The following RBPJ variants were observed in gnomAD, a reference collection of about 807,000 sequenced individuals.
RBPJ encodes the protein recombining binding protein suppressor of hairless.
A neutral mutation model predicts 67.8 loss-of-function variants in RBPJ; 9 were observed. The observed-to-expected ratio is 0.13, with a 90% confidence interval of 0.08 to 0.23. The LOEUF is 0.23. Ranked by LOEUF, RBPJ falls within the 10% of genes least tolerant of loss-of-function variation. RBPJ has a pLI of 1.00. For missense variants in RBPJ, 305 were observed against 595.6 expected, an observed-to-expected ratio of 0.51 and a Z score of 5.08; for synonymous variants, 198 against 203.3, an observed-to-expected ratio of 0.97 and a Z score of 0.22.
chr4:26,180,565 G>A (rs1163222025), intron 1 of RBPJ, among the ~76,000 whole-genome samples: 1 of 152,160 alleles, frequency 6.6e-6, no homozygotes, highest in Non-Finnish European at 1.5e-5. Flanking sequence ...TGAAAGGGGT[G>A]AGGTATCTCC....
chr4:26,170,070 C>T (rs13141609), intron 1 of RBPJ, among the ~76,000 whole-genome samples: 48,374 of 151,750 alleles, frequency 0.32, 8,546 homozygotes, highest in East Asian at 0.5. Flanking sequence ...GCGCACGGTG[C>T]GCTGCACCTA....
At chr4:26,195,381 T>G (rs566123787) in intron 1 of RBPJ, among the ~76,000 whole-genome samples, 33 of 152,106 alleles carry the variant, frequency 2.2e-4, no homozygotes, top group Non-Finnish European at 3.7e-4. Flanking sequence ...AGCAGAACAT[T>G]ATTCAGTAAG....
In RBPJ at chr4:26,401,591, G is replaced by A. The variant is rs116832932; in HGVS notation, c.60-4584G>A. Among the ~76,000 whole-genome samples the A allele has an allele frequency of 5.1e-3, 781 of 152,264 alleles. 6 individuals carry two copies. Among genetic ancestry groups the A allele is most frequent in the African/African-American group, 0.018 (745 of 41,540 alleles). ...GTTTGTGTCCTGTTTTACCCGAGTT[G>A]TCATGAAAGGGATAGAAATGTAAAA... On this transcript the variant is annotated intron_variant, in intron 2 of 10. Coordinates refer to ENST00000355476, the MANE Select transcript of RBPJ (RefSeq NM_015874.6).
intron 1 of RBPJ, among the ~76,000 whole-genome samples, chr4:26,207,918 A>G (rs1045697150): frequency 6.6e-6 from 1 of 152,184 alleles, no homozygotes; most frequent in Non-Finnish European, 1.5e-5. Context: ...CAGCACTGAC[A>G]GCTCACACCT....
intron 1 of RBPJ, among the ~76,000 whole-genome samples, chr4:26,238,071 G>A (rs778173711): frequency 3.3e-5 from 5 of 152,054 alleles, no homozygotes; most frequent in Non-Finnish European, 5.9e-5. Context: ...TGTTTCATTT[G>A]TTTGTTTTGA....
At position 26,424,196 on chromosome 4, in the gene RBPJ, G is replaced by A. The variant is rs554854246; in HGVS notation, c.497-146G>A. 37 of 686,308 alleles carry A rather than the reference G, an allele frequency of 5.4e-5. No homozygotes were observed. Among genetic ancestry groups the A allele is most frequent in the Middle Eastern group, 4.1e-4 (1 of 2,450 alleles). 42.5% of individuals were successfully genotyped at this position (686,308 alleles called of 1,614,324 possible). The stretch of plus-strand genomic sequence containing the variant: ...TTACCTTGACTTTTTGATATCATCT[G>A]TACTGTCTTGGAAAGTGAAAATATT... On this transcript the variant is annotated intron_variant, in intron 5 of 10. Transcript: ENST00000355476. The surrounding 1 kb of genome is among the most constrained non-coding windows in gnomAD (Gnocchi z 5.3).
the RBPJ span, among the ~76,000 whole-genome samples, chr4:26,131,944 A>G: frequency 1.3e-5 from 2 of 152,162 alleles, no homozygotes; most frequent in East Asian, 3.8e-4. Context: ...TACCAAGACT[A>G]TTAGCGGGGT....
At chr4:26,249,569 G>A (rs529185914) in intron 1 of RBPJ, among the ~76,000 whole-genome samples, 7 of 151,964 alleles carry the variant, frequency 4.6e-5, no homozygotes, top group South Asian at 2.1e-4. Context: ...GCTGGGGCAC[G>A]AGAATCTCTT....
At chr4:26,177,753 T>C (rs762419986) in intron 1 of RBPJ, among the ~76,000 whole-genome samples, 13 of 152,218 alleles carry the variant, frequency 8.5e-5, no homozygotes, top group Admixed American at 3.3e-4. Flanking sequence ...TATATACTTA[T>C]CTTAGAAAAG....
chr4:26,315,265 C>T (rs758181503), upstream of RBPJ, among the ~76,000 whole-genome samples: 18 of 145,898 alleles, frequency 1.2e-4, no homozygotes, highest in Non-Finnish European at 2.7e-4. Context: ...TTTCTATTTT[C>T]CCTAAGTGTT....
intron 1 of RBPJ, among the ~76,000 whole-genome samples, chr4:26,349,464 C>T (rs1268659279): frequency 6.6e-6 from 1 of 152,052 alleles, no homozygotes; most frequent in African/African-American, 2.4e-5. Flanking sequence ...TAATACTTTG[C>T]GATAGAGTCA....
At chr4:26,125,891 A>G in the RBPJ span, among the ~76,000 whole-genome samples, 1 of 152,130 alleles carries the variant, frequency 6.6e-6, no homozygotes, top group Non-Finnish European at 1.5e-5. Context: ...CCATAAGAAC[A>G]ATGCAGCTGG....
chr4:26,320,339 C>T (rs1409633995), upstream of RBPJ, among the ~76,000 whole-genome samples: 9 of 152,192 alleles, frequency 5.9e-5, no homozygotes, highest in African/African-American at 9.6e-5. Flanking sequence ...GAGAGCTCAA[C>T]TGCAAAAGTT....
At chr4:26,393,139 G>A (rs766344886) in intron 2 of RBPJ, among the ~76,000 whole-genome samples, 3 of 151,378 alleles carry the variant, frequency 2.0e-5, no homozygotes, top group Non-Finnish European at 4.4e-5. Flanking sequence ...GAGCCACCAC[G>A]CCTGGCTTCA....
Position 26,309,091 on chromosome 4 carries a change from T to C in RBPJ, c.-166-53355T>C, listed in dbSNP as rs1289146709. 2.0e-5 allele frequency among the ~76,000 whole-genome samples: 3 copies of C among 151,576 alleles called. No homozygotes were observed. In the East Asian group the frequency reaches 5.8e-4, roughly 29 times the overall value. ...TGCTGTCACCCAGGCTGGAGTGCAG[T>C]GGCACGATCATGGCTCACTTGCAGC... On this transcript the variant is annotated intron_variant, in intron 1 of 4. Coordinates refer to the RBPJ transcript ENST00000512351.
chr4:26,279,682 A>G lies in RBPJ; in HGVS notation c.-166-82764A>G, dbSNP rs1467660109. Reference sequence around the variant, plus strand: ...CAGACAAGCGGTGACGAATTTCAGTAAAACTTCCTAAGAAGATGGCAGGTT... The same window carrying G: ...CAGACAAGCGGTGACGAATTTCAGTGAAACTTCCTAAGAAGATGGCAGGTT... On this transcript the variant is annotated intron_variant, in intron 1 of 4. Coordinates refer to the RBPJ transcript ENST00000512351. Among the ~76,000 whole-genome samples, 3 of 152,210 alleles carry G rather than the reference A, an allele frequency of 2.0e-5. No individual in the cohort carries two copies. In the East Asian group the frequency reaches 5.8e-4, roughly 29 times the overall value.
At chr4:26,345,122 G>A (rs549316485) in intron 1 of RBPJ, among the ~76,000 whole-genome samples, 3 of 152,216 alleles carry the variant, frequency 2.0e-5, no homozygotes, top group East Asian at 3.9e-4. Context: ...TTTGTGAATC[G>A]TAGTTATTAT....
upstream of RBPJ, among the ~76,000 whole-genome samples, chr4:26,315,074 G>C (rs574912388): frequency 6.7e-6 from 1 of 148,524 alleles, no homozygotes; most frequent in South Asian, 2.1e-4. Flanking sequence ...GAACCCAGGA[G>C]GGGGAGGTTG....
the RBPJ span, among the ~76,000 whole-genome samples, chr4:26,124,423 T>TATATATATATATAC: frequency 1.3e-4 from 4 of 31,280 alleles, no homozygotes; most frequent in Non-Finnish European, 3.4e-4. Context: ...ATCATATATA[T>TATATATATATATAC]ATATATATAT....
Sources: allele counts gnomAD v4.1 joint callset (sites outside exome capture counted in the v4.1 genomes callset), GRCh38; gene constraint gnomAD v4.1.1; non-coding constraint Gnocchi (gnomAD v3.1); transcripts MANE v1.5; gene names NCBI Gene and HGNC (gene_info 2026-07-23, HGNC 2026-07-21).